The following DNAH14 variants were observed in gnomAD, a reference collection of about 807,000 sequenced individuals.
The protein encoded by DNAH14 is dynein axonemal heavy chain 14.
Under a neutral mutation model 520.9 loss-of-function variants are expected in DNAH14, and 478 were observed. That is an observed-to-expected ratio of 0.92 (90% CI 0.85 to 0.99). The LOEUF (loss-of-function observed/expected upper bound fraction) is 0.99, where lower values mean the gene tolerates loss of function less well. DNAH14 is among the 50% of genes least tolerant of loss of function. The probability of loss-of-function intolerance (pLI) is 0.00; values close to 1 mark genes in which losing one functional copy is unlikely to be tolerated. For missense variants in DNAH14, 4,831 were observed against 5,234.5 expected, an observed-to-expected ratio of 0.92 and a Z score of 2.38; for synonymous variants, 1,581 against 1,757.2, an observed-to-expected ratio of 0.90 and a Z score of 2.51.
intron 37 of DNAH14, 95 bp from the exon 38 acceptor site, chr1:225,192,601 G>T (rs577607380): frequency 2.4e-6 from 2 of 829,790 alleles, no homozygotes; most frequent in South Asian, 2.4e-5. Flanking sequence ...GGTGTGAAAG[G>T]TTTCTCCTAT....
intron 43 of DNAH14, among the ~76,000 whole-genome samples, chr1:225,245,467 G>T (rs988601267): frequency 1.3e-5 from 2 of 151,998 alleles, no homozygotes; most frequent in African/African-American, 4.8e-5. Context: ...CACCATTATT[G>T]TGTGGGAGTC....
At chr1:225,193,290 A>G (rs1380773589) in intron 38 of DNAH14, among the ~76,000 whole-genome samples, 1 of 152,168 alleles carries the variant, frequency 6.6e-6, no homozygotes, top group African/African-American at 2.4e-5. Context: ...ATCACAGAAT[A>G]GATACAAGTG....
intron 77 of DNAH14, among the ~76,000 whole-genome samples, chr1:225,368,670 T>C (rs2095582263): frequency 6.6e-6 from 1 of 152,192 alleles, no homozygotes; most frequent in Non-Finnish European, 1.5e-5. Context: ...ACACCCTTGA[T>C]TACCCATTCA....
At chr1:225,262,187 T>C (rs2092956870) in intron 46 of DNAH14, among the ~76,000 whole-genome samples, 2 of 149,724 alleles carry the variant, frequency 1.3e-5, no homozygotes, top group Non-Finnish European at 3.0e-5. Flanking sequence ...TGCCTTTTAA[T>C]GGGTTTTTTT....
intron 31 of DNAH14, among the ~76,000 whole-genome samples, chr1:225,148,218 T>G (rs1325367017): frequency 6.6e-6 from 1 of 152,072 alleles, no homozygotes; most frequent in African/African-American, 2.4e-5. Context: ...ACACTGTCTC[T>G]CACAATAATG....
chr1:224,972,179 T>C (rs1176302656), intron 7 of DNAH14, among the ~76,000 whole-genome samples: 2 of 152,180 alleles, frequency 1.3e-5, no homozygotes, highest in Non-Finnish European at 2.9e-5. Flanking sequence ...AAATGATTCA[T>C]TTTCTTTATT....
intron 47 of DNAH14, 142 bp downstream of exon 47, chr1:225,264,403 C>A: frequency 1.3e-6 from 1 of 761,578 alleles, no homozygotes; most frequent in Non-Finnish European, 2.1e-6. Context: ...AACTATCCCA[C>A]ACCCTCTCAA....
chr1:224,977,167 G>T lies in DNAH14; in HGVS notation c.830+3014G>T, dbSNP rs1294831453. ...GGAATACTATGCAGCCATAAAAAAG[G>T]ATGAGTTCATGTCCTTTGTAAGGAC... On this transcript the variant is annotated intron_variant, in intron 8 of 85. Transcript: ENST00000682510. 2.0e-5 allele frequency among the ~76,000 whole-genome samples: 3 copies of T among 152,100 alleles called. No individual in the cohort carries two copies. The East Asian group carries it at 5.8e-4, about 29-fold the overall frequency.
chr1:225,095,678 T>C (rs993491130), intron 21 of DNAH14, among the ~76,000 whole-genome samples: 2 of 152,186 alleles, frequency 1.3e-5, no homozygotes, highest in Non-Finnish European at 2.9e-5. Flanking sequence ...ACTATTGATA[T>C]ATGTAACAAT....
At chr1:225,247,673 A>G (rs1430573443) in intron 43 of DNAH14, among the ~76,000 whole-genome samples, 5 of 152,230 alleles carry the variant, frequency 3.3e-5, no homozygotes, top group African/African-American at 1.2e-4. Flanking sequence ...GCAAAATGTC[A>G]ATAAAAAATA....
chr1:225,122,165 G>T (rs975727051), intron 26 of DNAH14, among the ~76,000 whole-genome samples: 2 of 152,008 alleles, frequency 1.3e-5, no homozygotes, highest in Non-Finnish European at 2.9e-5. Context: ...AGTTAGTACC[G>T]CTTTATTTTA....
Position 224,966,020 on chromosome 1 carries a change from A to G in DNAH14, c.498+1411A>G, listed in dbSNP as rs372510311. Among the ~76,000 whole-genome samples, 9 of 152,268 alleles carry G rather than the reference A, an allele frequency of 5.9e-5. No individual in the cohort carries two copies. The East Asian group carries it at 1.3e-3, about 23-fold the overall frequency. On this transcript the variant is annotated intron_variant, in intron 5 of 85. Coordinates refer to ENST00000682510, the MANE Select transcript of DNAH14 (RefSeq NM_001367479.1). ...TGATTTTTAATTATATATATGATCT[A>G]TTTGGAAGATTTGTATCTACCTTGT... is the stretch of plus-strand genomic sequence containing the variant.
intron 54 of DNAH14, among the ~76,000 whole-genome samples, chr1:225,287,607 T>C (rs1268871007): frequency 1.3e-5 from 2 of 152,166 alleles, no homozygotes; most frequent in Non-Finnish European, 2.9e-5. Context: ...TATACAAACA[T>C]TTATTTATTT....
chr1:225,074,327 C>T (rs1369744793), intron 17 of DNAH14, among the ~76,000 whole-genome samples: 3 of 152,170 alleles, frequency 2.0e-5, no homozygotes, highest in East Asian at 1.9e-4. Context: ...AACCTCTGTC[C>T]GCTGGAGAAC....
Position 225,100,641 on chromosome 1 carries a change from A to G in DNAH14, c.3696-72A>G, listed in dbSNP as rs188272368. 8.5e-4 allele frequency: 959 copies of G among 1,130,090 alleles called. 7 individuals are homozygous for G. In the African/African-American group the frequency reaches 0.014, roughly 16 times the overall value. The allele number at this position is 1,130,090 out of a possible 1,614,324, so 70.0% of individuals were successfully genotyped here. On this transcript the variant is annotated intron_variant, in intron 22 of 85. Coordinates refer to ENST00000682510, the MANE Select transcript of DNAH14 (RefSeq NM_001367479.1). ...ATAACTCAAACAGTATTCCGTGGCAATGCATTACATTATAGATTTTAATCA... is the reference window on the plus strand; with the variant it reads ...ATAACTCAAACAGTATTCCGTGGCAGTGCATTACATTATAGATTTTAATCA...
chr1:225,144,822 A>G (rs956264387), intron 29 of DNAH14, among the ~76,000 whole-genome samples, 194 bp downstream of exon 29: 9 of 152,108 alleles, frequency 5.9e-5, no homozygotes, highest in African/African-American at 2.2e-4. Context: ...TAGAATCTCA[A>G]TAAGCCAACA....
chr1:225,213,041 G>C (rs76318857), intron 41 of DNAH14, among the ~76,000 whole-genome samples: 23,241 of 152,004 alleles, frequency 0.15, 2,061 homozygotes, highest in East Asian at 0.36. Context: ...TATGGTTTTA[G>C]GTCTAACATT....
chr1:225,137,601 C>G (rs1247782228), intron 27 of DNAH14, among the ~76,000 whole-genome samples: 1 of 152,126 alleles, frequency 6.6e-6, no homozygotes, highest in Non-Finnish European at 1.5e-5. Flanking sequence ...GGTGATCCAC[C>G]CACCTCAGCC....
In DNAH14 at chr1:225,082,710, TGTAAA is replaced by T. The variant is rs1164919368; in HGVS notation, c.3302_3306del (p.Lys1101ArgfsTer12). On this transcript the variant is annotated frameshift_variant, in exon 20 of 86. Coordinates refer to ENST00000682510, the MANE Select transcript of DNAH14 (RefSeq NM_001367479.1). LOFTEE classifies it high-confidence loss of function. ...GAAGTCAGTTCCGCTTGATAAAAACTGTAAAGTAGAGAATCTTCTAGCTCTCAAGG... is the reference window on the plus strand; with the variant it reads ...GAAGTCAGTTCCGCTTGATAAAAACTGTAGAGAATCTTCTAGCTCTCAAGG... 2 of 1,549,550 alleles carry T rather than the reference TGTAAA, an allele frequency of 1.3e-6. No individual in the cohort carries two copies. Among genetic ancestry groups the T allele is most frequent in the Middle Eastern group, 1.7e-4 (1 of 5,978 alleles).
Sources: allele counts gnomAD v4.1 joint callset (sites outside exome capture counted in the v4.1 genomes callset), GRCh38; gene constraint gnomAD v4.1.1; transcripts MANE v1.5; gene names NCBI Gene and HGNC (gene_info 2026-07-23, HGNC 2026-07-21).